The following ARHGAP28 variants were observed in gnomAD, a reference collection of about 807,000 sequenced individuals.
The protein encoded by ARHGAP28 is Rho GTPase activating protein 28.
ARHGAP28 carries 56 observed loss-of-function variants against 90.7 expected under a neutral mutation model. The observed-to-expected ratio is 0.62, with a 90% CI of 0.50 to 0.77. The LOEUF is 0.77. ARHGAP28 is among the 30% of genes least tolerant of loss of function. The pLI is 0.00. For missense variants in ARHGAP28, 869 were observed against 900.9 expected, an observed-to-expected ratio of 0.96 and a Z score of 0.45; for synonymous variants, 308 against 323.3, an observed-to-expected ratio of 0.95 and a Z score of 0.51.
At chr18:6,875,654 A>G (rs1301929220) in intron 9 of ARHGAP28, among the ~76,000 whole-genome samples, 1 of 152,220 alleles carries the variant, frequency 6.6e-6, no homozygotes. Flanking sequence ...AACACCTATC[A>G]CCATCCTGAG....
chr18:6,730,358 C>T (rs1224718058), intron 1 of ARHGAP28, among the ~76,000 whole-genome samples: 1 of 151,934 alleles, frequency 6.6e-6, no homozygotes, highest in East Asian at 1.9e-4. Flanking sequence ...CAGAATACTC[C>T]TTTTGAGAGC....
At chr18:6,852,102 G>A (rs1003374201) in intron 4 of ARHGAP28, among the ~76,000 whole-genome samples, 13 of 152,216 alleles carry the variant, frequency 8.5e-5, no homozygotes, top group South Asian at 6.2e-4. Context: ...TCCATTGAAC[G>A]TCTTATAATC....
intron 1 of ARHGAP28, among the ~76,000 whole-genome samples, chr18:6,810,186 C>T (rs1254421089): frequency 6.6e-6 from 1 of 151,974 alleles, no homozygotes; most frequent in Non-Finnish European, 1.5e-5. Flanking sequence ...TTATGAGATA[C>T]CAGTAAGTGT....
At chr18:6,855,531 C>G (rs2056945924) in intron 4 of ARHGAP28, among the ~76,000 whole-genome samples, 1 of 152,174 alleles carries the variant, frequency 6.6e-6, no homozygotes, top group Non-Finnish European at 1.5e-5. Context: ...TGCTCACCCT[C>G]CCATTGTCCG....
intron 3 of ARHGAP28, among the ~76,000 whole-genome samples, chr18:6,849,674 C>A (rs930966918): frequency 6.6e-6 from 1 of 152,156 alleles, no homozygotes; most frequent in African/African-American, 2.4e-5. Flanking sequence ...GGCCCATCTG[C>A]TTTTTCATAC....
intron 1 of ARHGAP28, among the ~76,000 whole-genome samples, chr18:6,807,662 T>C (rs1311238181): frequency 6.6e-6 from 1 of 152,208 alleles, no homozygotes. Flanking sequence ...ACTGGGATCC[T>C]GTTATCTGAT....
intron 1 of ARHGAP28, among the ~76,000 whole-genome samples, chr18:6,804,832 A>C (rs1397088548): frequency 6.6e-6 from 1 of 152,240 alleles, no homozygotes; most frequent in Non-Finnish European, 1.5e-5. Context: ...AATAGTATCT[A>C]TATTGGTAAA....
At chr18:6,841,783 A>G (rs754686217) in intron 3 of ARHGAP28, among the ~76,000 whole-genome samples, 7 of 152,174 alleles carry the variant, frequency 4.6e-5, no homozygotes, top group African/African-American at 9.7e-5. Context: ...TTGAAATTTC[A>G]CCAACTTTAT....
chr18:6,778,512 T>C (rs1368047250), intron 1 of ARHGAP28, among the ~76,000 whole-genome samples: 1 of 152,232 alleles, frequency 6.6e-6, no homozygotes, highest in Non-Finnish European at 1.5e-5. Context: ...TAGAGAGTCC[T>C]GGCTCTGAGG....
At chr18:6,752,506 C>T (rs1056940080) in intron 1 of ARHGAP28, among the ~76,000 whole-genome samples, 1 of 152,220 alleles carries the variant, frequency 6.6e-6, no homozygotes, top group Non-Finnish European at 1.5e-5. Flanking sequence ...AACTTGGTCT[C>T]TCACAATCTT....
intron 1 of ARHGAP28, among the ~76,000 whole-genome samples, chr18:6,731,966 CAG>C (rs1284480691): frequency 6.6e-6 from 1 of 152,022 alleles, no homozygotes; most frequent in Non-Finnish European, 1.5e-5. Flanking sequence ...GAGCAATGAC[CAG>C]AATGGCCCTA....
chr18:6,850,015 A>G (rs946154059), intron 3 of ARHGAP28, among the ~76,000 whole-genome samples: 1 of 151,872 alleles, frequency 6.6e-6, no homozygotes, highest in Admixed American at 6.6e-5. Flanking sequence ...TATTTTTTCT[A>G]TTTGTATGCT....
At chr18:6,882,603 AC>A (rs2143648514) in intron 11 of ARHGAP28, among the ~76,000 whole-genome samples, 1 of 152,324 alleles carries the variant, frequency 6.6e-6, no homozygotes, top group South Asian at 2.1e-4. Context: ...CTCAGTTACT[AC>A]ATCTGTAAAT....
chr18:6,739,735 G>C (rs1186748798), intron 1 of ARHGAP28, among the ~76,000 whole-genome samples: 1 of 149,826 alleles, frequency 6.7e-6, no homozygotes, highest in Non-Finnish European at 1.5e-5. Context: ...TTAGTAACTA[G>C]ATCTTATAAT....
intron 1 of ARHGAP28, among the ~76,000 whole-genome samples, chr18:6,817,643 T>A (rs1221370816): frequency 6.6e-6 from 1 of 152,230 alleles, no homozygotes; most frequent in Non-Finnish European, 1.5e-5. Flanking sequence ...TAAAACTCAG[T>A]AATATCAAGG....
intron 1 of ARHGAP28, among the ~76,000 whole-genome samples, chr18:6,808,842 G>T (rs188082359): frequency 1.3e-5 from 2 of 152,312 alleles, no homozygotes; most frequent in East Asian, 3.9e-4. Flanking sequence ...TTATAGCTCC[G>T]TGGTTCTTTG....
chr18:6,812,661 G>A (rs1317390274), intron 1 of ARHGAP28, among the ~76,000 whole-genome samples: 2 of 152,158 alleles, frequency 1.3e-5, no homozygotes, highest in Non-Finnish European at 2.9e-5. Flanking sequence ...TAGATGCTGA[G>A]CTCCTTAAAG....
intron 3 of ARHGAP28, chr18:6,850,812 T>C (rs558269613): frequency 1.3e-6 from 2 of 1,528,976 alleles, no homozygotes; most frequent in East Asian, 4.9e-5. Flanking sequence ...CAGAGTTTGC[T>C]TCTGAGACGA....
chr18:6,836,389 G>T (rs1600228744), intron 2 of ARHGAP28, among the ~76,000 whole-genome samples: 1 of 152,194 alleles, frequency 6.6e-6, no homozygotes, highest in African/African-American at 2.4e-5. Flanking sequence ...CATTACCCAA[G>T]CAGGTTTCCC....
Sources: allele counts gnomAD v4.1 joint callset (sites outside exome capture counted in the v4.1 genomes callset), GRCh38; gene constraint gnomAD v4.1.1; transcripts MANE v1.5; gene names NCBI Gene and HGNC (gene_info 2026-07-23, HGNC 2026-07-21).